The following KCNJ6 variants were observed in gnomAD, a reference collection of about 807,000 sequenced individuals.
KCNJ6 encodes potassium inwardly rectifying channel subfamily J member 6.
In KCNJ6, 9 loss-of-function variants were observed where a neutral mutation model predicts 34.2. The ratio of observed to expected loss-of-function variants is 0.26; its 90% CI spans 0.16 to 0.46. The LOEUF is 0.46. KCNJ6 is among the 20% of genes least tolerant of loss of function. The pLI is 1.00. For missense variants in KCNJ6, 236 were observed against 531.3 expected (o/e 0.44, Z 5.46); for synonymous variants, 196 against 207.1 (o/e 0.95, Z 0.46).
At chr21:37,915,037 C>A (rs930216516) in intron 1 of KCNJ6, among the ~76,000 whole-genome samples, 1 of 151,918 alleles carries the variant, frequency 6.6e-6, no homozygotes, top group Non-Finnish European at 1.5e-5. Flanking sequence ...ATATATTTTC[C>A]CCCTGACAAT....
chr21:37,696,922 T>C (rs1486430355), intron 3 of KCNJ6, among the ~76,000 whole-genome samples: 1 of 152,206 alleles, frequency 6.6e-6, no homozygotes, highest in Non-Finnish European at 1.5e-5. Context: ...TGAGGTAGCA[T>C]GGCGAACAGG....
At chr21:37,653,231 T>C (rs2054442013) in intron 3 of KCNJ6, among the ~76,000 whole-genome samples, 2 of 152,206 alleles carry the variant, frequency 1.3e-5, no homozygotes, top group South Asian at 4.1e-4. Flanking sequence ...ACTGAATTCA[T>C]GGACTAGAGC....
chr21:37,675,068 C>T lies in KCNJ6; in HGVS notation c.946+39143G>A, dbSNP rs1047643707. Among the ~76,000 whole-genome samples the T allele has an allele frequency of 2.6e-5, 4 of 152,090 alleles. No individual in the cohort carries two copies. The highest frequency in any genetic ancestry group is 7.2e-5 in the African/African-American group (3 of 41,430). ...CCTGCTCGGAGCTCCTCTGCTGCTC[C>T]GGGTTTGACTCAATCGACACCCTTC... is the stretch of plus-strand genomic sequence containing the variant. On this transcript the variant is annotated intron_variant, in intron 3 of 3. Coordinates refer to ENST00000609713, the MANE Select transcript of KCNJ6 (RefSeq NM_002240.5). The surrounding 1 kb of genome is among the most constrained non-coding windows in gnomAD (Gnocchi z 4.2).
intron 2 of KCNJ6, among the ~76,000 whole-genome samples, chr21:37,787,296 G>C (rs990071130): frequency 3.3e-5 from 5 of 152,126 alleles, no homozygotes; most frequent in Admixed American, 6.6e-5. Flanking sequence ...GAAGGAACTG[G>C]GGGTAGAGGG....
At chr21:37,913,820 A>T (rs2055878930) in intron 1 of KCNJ6, among the ~76,000 whole-genome samples, 1 of 152,094 alleles carries the variant, frequency 6.6e-6, no homozygotes, top group Admixed American at 6.6e-5. Flanking sequence ...TCCGTCTAAA[A>T]AAGAAAGAAA....
chr21:37,635,798 T>C (rs2054355075), intron 3 of KCNJ6, among the ~76,000 whole-genome samples: 2 of 152,260 alleles, frequency 1.3e-5, no homozygotes, highest in Admixed American at 6.5e-5. Flanking sequence ...ATTACAGGCA[T>C]GCGCCACCAC....
chr21:37,858,392 C>CAAAAAAAAAAAAAAAAA, intron 1 of KCNJ6, among the ~76,000 whole-genome samples: 1 of 54,498 alleles, frequency 1.8e-5, no homozygotes, highest in Non-Finnish European at 3.1e-5. Context: ...GACTCCGTCT[C>CAAAAAAAAAAAAAAAAA]AAAAAAAAAA....
intron 2 of KCNJ6, among the ~76,000 whole-genome samples, chr21:37,752,314 A>G (rs1222200918): frequency 6.6e-6 from 1 of 152,128 alleles, no homozygotes; most frequent in Non-Finnish European, 1.5e-5. Flanking sequence ...TGGACACCTG[A>G]CCAAAAAGGT....
intron 3 of KCNJ6, among the ~76,000 whole-genome samples, chr21:37,652,541 T>C (rs2054438646): frequency 6.6e-6 from 1 of 152,168 alleles, no homozygotes; most frequent in African/African-American, 2.4e-5. Flanking sequence ...CACAATTACA[T>C]ACAAAGAATT....
chr21:37,765,076 CTTAA>C (rs1413179409), intron 2 of KCNJ6, among the ~76,000 whole-genome samples: 1 of 148,556 alleles, frequency 6.7e-6, no homozygotes, highest in Non-Finnish European at 1.5e-5. Flanking sequence ...AAACTTAATA[CTTAA>C]TTATATTAAA....
chr21:37,895,353 A>G (rs559818500), intron 1 of KCNJ6, among the ~76,000 whole-genome samples: 2 of 152,324 alleles, frequency 1.3e-5, no homozygotes, highest in African/African-American at 4.8e-5. Flanking sequence ...GCTAGCTTCA[A>G]TATGACCCCA....
At chr21:37,630,137 T>TGTGTGTGTGTGTGTGTGTGTGTGA (rs1261286832) in intron 3 of KCNJ6, among the ~76,000 whole-genome samples, 1 of 149,798 alleles carries the variant, frequency 6.7e-6, no homozygotes, top group African/African-American at 2.5e-5. Context: ...GACATCTCTG[T>TGTGTGTGTGTGTGTGTGTGTGTGA]GTGTGTGTGT....
chr21:37,729,709 A>G (rs2054874287), intron 2 of KCNJ6, among the ~76,000 whole-genome samples: 1 of 152,246 alleles, frequency 6.6e-6, no homozygotes, highest in Non-Finnish European at 1.5e-5. Context: ...ACCATCATGT[A>G]CAGCGATATA....
intron 3 of KCNJ6, among the ~76,000 whole-genome samples, chr21:37,646,678 AT>A (rs60702932): frequency 2.1e-4 from 23 of 108,228 alleles, no homozygotes; most frequent in East Asian, 9.0e-4. Flanking sequence ...AATTATTTTT[AT>A]TTTTTTTTTT....
intron 1 of KCNJ6, among the ~76,000 whole-genome samples, chr21:37,913,773 G>A (rs553391045): frequency 7.0e-4 from 107 of 152,078 alleles, no homozygotes; most frequent in African/African-American, 2.5e-3. Flanking sequence ...AGCCGAGATC[G>A]AGCCACTGCA....
Position 37,612,044 on chromosome 21 carries a change from TTGTC to T in KCNJ6, c.*13111_*13114del, listed in dbSNP as rs930908434. ...TTGGGAAGAAAGAAGAAATAAAACTTTGTCTTTGTTTACAGATGACATGATCATC... is the reference window on the plus strand; with the variant it reads ...TTGGGAAGAAAGAAGAAATAAAACTTTTTGTTTACAGATGACATGATCATC... On this transcript the variant is annotated 3_prime_UTR_variant, in exon 4 of 4. Transcript: ENST00000609713. The T allele has an allele frequency of 7.2e-5, 11 of 152,164 alleles. No homozygotes were observed. Among genetic ancestry groups the T allele is most frequent in the Admixed American group, 2.0e-4 (3 of 15,278 alleles). 9.4% of individuals were successfully genotyped at this position (152,164 alleles called of 1,614,324 possible).
At chr21:37,910,423 G>A (rs2055861811) in intron 1 of KCNJ6, among the ~76,000 whole-genome samples, 1 of 152,168 alleles carries the variant, frequency 6.6e-6, no homozygotes, top group Non-Finnish European at 1.5e-5. Flanking sequence ...AAAAGTAGAT[G>A]TCTGTAAGTT....
At chr21:37,711,135 G>A (rs1032051886) in intron 3 of KCNJ6, among the ~76,000 whole-genome samples, 7 of 152,162 alleles carry the variant, frequency 4.6e-5, no homozygotes, top group South Asian at 2.1e-4. Flanking sequence ...GCCCACTTTC[G>A]TTTTCTAAAA....
intron 2 of KCNJ6, among the ~76,000 whole-genome samples, chr21:37,772,770 C>A (rs901688153): frequency 1.3e-4 from 20 of 152,136 alleles, no homozygotes; most frequent in Non-Finnish European, 1.5e-5. Flanking sequence ...TTTTATTCTT[C>A]ACTAAATATG....
Sources: allele counts gnomAD v4.1 joint callset (sites outside exome capture counted in the v4.1 genomes callset), GRCh38; gene constraint gnomAD v4.1.1; non-coding constraint Gnocchi (gnomAD v3.1); transcripts MANE v1.5; gene names NCBI Gene and HGNC (gene_info 2026-07-23, HGNC 2026-07-21).